Variants in PCDHA10 observed in about 807,000 individuals in gnomAD.
PCDHA10 encodes the protein protocadherin alpha 10, also known as protocadherin alpha-10.
In PCDHA10, 45 loss-of-function variants were observed where a neutral mutation model predicts 61.2. The observed-to-expected ratio is 0.74, with a 90% CI of 0.58 to 0.94. The LOEUF is 0.94. PCDHA10 is among the 40% of genes least tolerant of loss of function. The pLI, the probability that PCDHA10 is intolerant of heterozygous loss-of-function variation, is 0.00. For synonymous variants in PCDHA10, 602 were observed against 548.8 expected, an observed-to-expected ratio of 1.10 and a Z score of -1.35; for missense variants, 1,278 against 1,236.2, an observed-to-expected ratio of 1.03 and a Z score of -0.51.
At chr5:141,000,421 A>ATTTTTTTTT (rs34755515) in intron 3 of PCDHA10, among the ~76,000 whole-genome samples, 3 of 27,980 alleles carry the variant, frequency 1.1e-4, no homozygotes, top group African/African-American at 1.8e-4. Flanking sequence ...ATATATATAT[A>ATTTTTTTTT]TTTTTTTTTT....
intron 1 of PCDHA10, among the ~76,000 whole-genome samples, chr5:140,919,051 T>G (rs1443609855): frequency 1.3e-5 from 2 of 152,238 alleles, no homozygotes; most frequent in Non-Finnish European, 2.9e-5. Flanking sequence ...TTATTGGAAG[T>G]GGAGTATTAA....
intron 1 of PCDHA10, among the ~76,000 whole-genome samples, chr5:140,947,608 A>G (rs1381677530): frequency 3.3e-5 from 5 of 151,684 alleles, no homozygotes; most frequent in Non-Finnish European, 7.4e-5. Flanking sequence ...AAGATTTGGT[A>G]TCTTAACAAT....
intron 1 of PCDHA10, chr5:140,882,864 C>T (rs2059340057): frequency 6.2e-7 from 1 of 1,614,200 alleles, no homozygotes; most frequent in East Asian, 2.2e-5. Flanking sequence ...CTGAGGAAAA[C>T]ACTGGACAGA....
chr5:140,900,143 G>C (rs1198470231), intron 1 of PCDHA10, among the ~76,000 whole-genome samples: 2 of 152,156 alleles, frequency 1.3e-5, no homozygotes, highest in African/African-American at 2.4e-5. Flanking sequence ...AAATAAGTAA[G>C]AACATACGAT....
At position 141,009,798 on chromosome 5, in the gene PCDHA10, A is replaced by T; in HGVS notation, c.2708A>T (p.Asn903Ile). 1 of 1,614,116 alleles carries T rather than the reference A, an allele frequency of 6.2e-7. No individual in the cohort carries two copies. The highest frequency in any genetic ancestry group is 2.2e-5 in the East Asian group (1 of 44,868). Residue 903 changes from asparagine (N) to isoleucine (I), a missense_variant, in exon 4 of 4, where the codon AAC (asparagine) becomes ATC (isoleucine). Asn to Ile is a moderately radical substitution (Grantham distance 149). Coordinates refer to ENST00000307360, the MANE Select transcript of PCDHA10 (RefSeq NM_018901.4). The stretch of plus-strand genomic sequence containing the variant: ...ATCTCCATCCGGCAGGAGCCTACTA[A>T]CAGCCAAATTGACAAAAGTGACTTC... Reference protein sequence around the residue: ...AIISIRQEPTNSQIDKSDFIT... With the variant: ...AIISIRQEPTISQIDKSDFIT...
intron 1 of PCDHA10, among the ~76,000 whole-genome samples, chr5:140,916,649 G>A (rs1331435832): frequency 6.6e-6 from 1 of 152,166 alleles, no homozygotes; most frequent in Non-Finnish European, 1.5e-5. Flanking sequence ...TGGCTGAGCT[G>A]GTATCCAAGA....
intron 1 of PCDHA10, chr5:140,928,385 T>G: frequency 6.2e-7 from 1 of 1,614,046 alleles, no homozygotes; most frequent in Middle Eastern, 1.7e-4. Flanking sequence ...TCTAGCTTGC[T>G]GGCAGTGGAA....
intron 1 of PCDHA10, chr5:140,862,692 G>A (rs1354476181): frequency 3.2e-5 from 18 of 555,384 alleles, no homozygotes; most frequent in Admixed American, 5.8e-5. Flanking sequence ...TGTCCTACTC[G>A]TTGATGGAAC....
chr5:140,910,864 A>G (rs2153516118), intron 1 of PCDHA10, among the ~76,000 whole-genome samples: 1 of 152,266 alleles, frequency 6.6e-6, no homozygotes, highest in Non-Finnish European at 1.5e-5. Context: ...TCCATCCACC[A>G]TTATCCCACA....
intron 1 of PCDHA10, among the ~76,000 whole-genome samples, chr5:140,881,833 A>G (rs1371458560): frequency 6.6e-6 from 1 of 152,252 alleles, no homozygotes; most frequent in Non-Finnish European, 1.5e-5. Flanking sequence ...AAAGTTCTGC[A>G]TGGAATTCTT....
At chr5:140,930,356 A>G (rs1554207746) in intron 1 of PCDHA10, 1 of 152,106 alleles carries the variant, frequency 6.6e-6, no homozygotes, top group African/African-American at 2.4e-5. Context: ...CAAATATTTC[A>G]ATTTATCTGT....
At chr5:140,942,618 G>A (rs2093340526) in intron 1 of PCDHA10, among the ~76,000 whole-genome samples, 1 of 97,740 alleles carries the variant, frequency 1.0e-5, no homozygotes. Context: ...TTTGCCAATT[G>A]TAAAAAAAAA....
At chr5:140,898,430 C>G (rs2153460461) in intron 1 of PCDHA10, among the ~76,000 whole-genome samples, 1 of 152,270 alleles carries the variant, frequency 6.6e-6, no homozygotes, top group East Asian at 1.9e-4. Flanking sequence ...TTCCCAGCAC[C>G]ATTTATTAAA....
chr5:140,863,248 G>C (rs782700291), intron 1 of PCDHA10: 8 of 1,396,066 alleles, frequency 5.7e-6, no homozygotes, highest in Middle Eastern at 1.9e-4. Context: ...TTTGGCGGGC[G>C]TCGAGGTCCG....
chr5:140,927,317 G>T (rs782172424), intron 1 of PCDHA10: 3 of 1,614,146 alleles, frequency 1.9e-6, no homozygotes, highest in Admixed American at 1.7e-5. Flanking sequence ...CCCGGAGCCC[G>T]CTTTACTCTC....
intron 3 of PCDHA10, chr5:140,988,965 TG>T (rs1227130828): frequency 6.6e-6 from 1 of 152,162 alleles, no homozygotes; most frequent in Non-Finnish European, 1.5e-5. Context: ...AGCCCCACGA[TG>T]GAGAGAAGCA....
intron 3 of PCDHA10, among the ~76,000 whole-genome samples, chr5:140,991,067 A>C (rs2097429962): frequency 6.6e-6 from 1 of 152,184 alleles, no homozygotes; most frequent in Admixed American, 6.5e-5. Flanking sequence ...TATTATTCCC[A>C]TGTTTCAGAT....
At position 140,999,623 on chromosome 5, in the gene PCDHA10, A is replaced by G. The variant is rs188539860; in HGVS notation, c.2537-10004A>G. ...CCTGGGGGACCTTATCAACCAGGAAACAAGGTAGAGAAAACTGTGCAGCCT... is the reference window on the plus strand; with the variant it reads ...CCTGGGGGACCTTATCAACCAGGAAGCAAGGTAGAGAAAACTGTGCAGCCT... On this transcript the variant is annotated intron_variant, in intron 3 of 3. Transcript: ENST00000307360. Among the ~76,000 whole-genome samples the G allele has an allele frequency of 1.3e-4, 20 of 152,330 alleles. No individual in the cohort carries two copies. In the East Asian group the frequency reaches 3.9e-3, roughly 29 times the overall value.
At chr5:140,928,388 C>T in intron 1 of PCDHA10, 1 of 1,614,012 alleles carries the variant, frequency 6.2e-7, no homozygotes, top group Non-Finnish European at 8.5e-7. Flanking sequence ...AGCTTGCTGG[C>T]AGTGGAATCA....
Sources: allele counts gnomAD v4.1 joint callset (sites outside exome capture counted in the v4.1 genomes callset), GRCh38; gene constraint gnomAD v4.1.1; transcripts MANE v1.5; gene names NCBI Gene and HGNC (gene_info 2026-07-23, HGNC 2026-07-21).